Variants in ANTXRL observed in about 807,000 individuals in gnomAD.
The protein encoded by ANTXRL is ANTXR like.
ANTXRL carries 63 observed loss-of-function variants against 75.4 expected under a neutral mutation model. That is an observed-to-expected ratio of 0.84 (90% CI 0.68 to 1.03). The LOEUF (loss-of-function observed/expected upper bound fraction) is 1.03, where lower values mean the gene tolerates loss of function less well. Among genes scored for constraint, ANTXRL ranks in the 50% least tolerant of loss-of-function variants. The pLI, the probability that ANTXRL is intolerant of heterozygous loss-of-function variation, is 0.00. For missense variants in ANTXRL, 797 were observed against 789.4 expected (o/e 1.01, Z -0.12); for synonymous variants, 335 against 291.3 (o/e 1.15, Z -1.53).
intron 10 of ANTXRL, among the ~76,000 whole-genome samples, chr10:46,303,423 C>G (rs1292596160): frequency 6.6e-6 from 1 of 152,164 alleles, no homozygotes; most frequent in African/African-American, 2.4e-5. Flanking sequence ...AACTGAAATG[C>G]TTGGGACCAC....
intron 16 of ANTXRL, among the ~76,000 whole-genome samples, chr10:46,320,249 A>C (rs2132885454): frequency 6.6e-6 from 1 of 152,318 alleles, no homozygotes; most frequent in African/African-American, 2.4e-5. Flanking sequence ...TCTTGCTGGT[A>C]GTGGGGAACC....
At position 46,304,759 on chromosome 10, in the gene ANTXRL, C is replaced by T. The variant is rs538479123; in HGVS notation, c.895+1939C>T. On this transcript the variant is annotated intron_variant, in intron 10 of 16. Coordinates refer to ENST00000620264, the MANE Select transcript of ANTXRL (RefSeq NM_001278688.3). ...AAGAGCCTGCCCAGGGCCATACAGTCCATGTTGCAGGGCAGGAAAGCAGAC... is the reference window on the plus strand; with the variant it reads ...AAGAGCCTGCCCAGGGCCATACAGTTCATGTTGCAGGGCAGGAAAGCAGAC... 2.0e-4 allele frequency among the ~76,000 whole-genome samples: 30 copies of T among 152,278 alleles called. No individual in the cohort carries two copies. The East Asian group carries it at 4.8e-3, about 24-fold the overall frequency.
intron 16 of ANTXRL, among the ~76,000 whole-genome samples, chr10:46,318,943 C>T (rs73292924): frequency 0.049 from 7,377 of 152,038 alleles, 605 homozygotes; most frequent in African/African-American, 0.17. Context: ...ATAGAGAAAA[C>T]GGAACTGAGG....
Position 46,297,991 on chromosome 10 carries a change from C to A in ANTXRL, c.736-11C>A. ...CTCTCCCTGTCCCGCCCCACCCCTC[C>A]TGTGTTCCAGCTCACGTCAAAGGTC... On this transcript the variant is annotated splice_polypyrimidine_tract_variant and intron_variant, in intron 8 of 16. Coordinates refer to ENST00000620264, the MANE Select transcript of ANTXRL (RefSeq NM_001278688.3). The A allele has an allele frequency of 3.3e-6, 5 of 1,535,922 alleles. No homozygotes were observed. Among genetic ancestry groups the A allele is most frequent in the Non-Finnish European group, 4.4e-6 (5 of 1,146,730 alleles).
At chr10:46,303,471 C>T (rs1554961059) in intron 10 of ANTXRL, among the ~76,000 whole-genome samples, 1 of 152,134 alleles carries the variant, frequency 6.6e-6, no homozygotes, top group African/African-American at 2.4e-5. Flanking sequence ...GGTTTTGGAA[C>T]GTGTGCAGTA....
At chr10:46,315,345 G>A (rs1838664408) in intron 16 of ANTXRL, among the ~76,000 whole-genome samples, 1 of 152,246 alleles carries the variant, frequency 6.6e-6, no homozygotes, top group African/African-American at 2.4e-5. Flanking sequence ...GAACCCGCTG[G>A]AGACCAGGCT....
chr10:46,300,777 A>G (rs1195699247), intron 9 of ANTXRL, among the ~76,000 whole-genome samples: 4 of 152,100 alleles, frequency 2.6e-5, no homozygotes, highest in African/African-American at 7.2e-5. Flanking sequence ...CTCATCAGTC[A>G]CTTGTCACCC....
At chr10:46,305,764 CATAA>C (rs1403995653) in intron 10 of ANTXRL, among the ~76,000 whole-genome samples, 5 of 152,060 alleles carry the variant, frequency 3.3e-5, no homozygotes, top group Non-Finnish European at 5.9e-5. Context: ...TAAATAGATA[CATAA>C]ATAAACAAAA....
chr10:46,309,340 G>A, intron 13 of ANTXRL, 138 bp downstream of exon 13: 3 of 1,468,124 alleles, frequency 2.0e-6, no homozygotes, highest in Non-Finnish European at 2.7e-6. Context: ...TGAGCCCAGG[G>A]AGTCGCAGAC....
At chr10:46,295,204 G>C (rs1837291101) in intron 3 of ANTXRL, among the ~76,000 whole-genome samples, 1 of 152,176 alleles carries the variant, frequency 6.6e-6, no homozygotes, top group African/African-American at 2.4e-5. Flanking sequence ...TCCTGTATCA[G>C]GGTAAAGATA....
chr10:46,325,738 AT>A (rs35600042), intron 16 of ANTXRL, among the ~76,000 whole-genome samples: 50,145 of 151,670 alleles, frequency 0.33, 9,427 homozygotes, highest in Admixed American at 0.44. Context: ...GCACCAATCA[AT>A]TTTTTCTGGA....
At chr10:46,318,839 A>T (rs1487307526) in intron 16 of ANTXRL, among the ~76,000 whole-genome samples, 1 of 152,184 alleles carries the variant, frequency 6.6e-6, no homozygotes, top group Non-Finnish European at 1.5e-5. Context: ...CATGATTCCA[A>T]ATAGGGCAGC....
intron 16 of ANTXRL, among the ~76,000 whole-genome samples, chr10:46,318,084 G>T (rs1166236445): frequency 6.6e-6 from 1 of 152,068 alleles, no homozygotes; most frequent in Non-Finnish European, 1.5e-5. Flanking sequence ...TGGATCTCCT[G>T]GGATAGACTG....
rs61440350 is a variant in ANTXRL, at chr10:46,293,309, T to C, written c.321-520T>C. Among the ~76,000 whole-genome samples the C allele has an allele frequency of 7.5e-3, 1,040 of 138,518 alleles. 12 individuals carry two copies. The highest frequency in any genetic ancestry group is 0.027 in the African/African-American group (1,004 of 37,588). 90.9% of individuals were successfully genotyped at this position (138,518 alleles called of 152,430 possible). A position where few individuals can be genotyped will look rare whatever the true frequency, so the allele number is the denominator to read the frequency against. On this transcript the variant is annotated intron_variant, in intron 2 of 16. Coordinates refer to ENST00000620264, the MANE Select transcript of ANTXRL (RefSeq NM_001278688.3). The stretch of plus-strand genomic sequence containing the variant: ...GTGTGCGTGTGTGCCTGTGTGTGTG[T>C]GCGTGTGTGCCTGTGTGTGAGTGTG...
At chr10:46,296,988 C>T (rs782788514) in intron 5 of ANTXRL, among the ~76,000 whole-genome samples, 2 of 152,132 alleles carry the variant, frequency 1.3e-5, no homozygotes, top group African/African-American at 2.4e-5. Flanking sequence ...AGGGTTCAGG[C>T]AGCCTGGTGT....
intron 16 of ANTXRL, among the ~76,000 whole-genome samples, chr10:46,315,950 A>G (rs1838702360): frequency 6.6e-6 from 1 of 152,072 alleles, no homozygotes. Context: ...AAATTTTTTG[A>G]TAGTGTCCTC....
At chr10:46,302,849 C>G in intron 10 of ANTXRL, 29 bp downstream of exon 10, 1 of 1,458,160 alleles carries the variant, frequency 6.9e-7, no homozygotes, top group Non-Finnish European at 9.3e-7. Context: ...GCCTCTGAGT[C>G]ACGTATTTCC....
rs1554957618 is a variant in ANTXRL at position 46,293,830 on chromosome 10, C to G, written c.322C>G (p.Pro108Ala). 2.0e-6 allele frequency: 3 copies of G among 1,535,552 alleles called. No individual in the cohort carries two copies. The Admixed American group carries it at 5.9e-5, about 30-fold the overall frequency. Reference protein sequence around the residue: ...VEETVARFQSPNIRMCFITYS... With the variant: ...VEETVARFQSANIRMCFITYS... ...CACCAGCACATGATTCCTTCACAGCCCAAATATTCGGATGTGCTTCATCAC... is the reference window on the plus strand; with the variant it reads ...CACCAGCACATGATTCCTTCACAGCGCAAATATTCGGATGTGCTTCATCAC... Residue 108 changes from proline (P) to alanine (A), a missense_variant and splice_region_variant, in exon 3 of 17, where the codon CCA (proline) becomes GCA (alanine). Pro to Ala is a conservative substitution (Grantham distance 27). Transcript: ENST00000620264.
At chr10:46,310,773 G>C (rs1333452212) in intron 14 of ANTXRL, among the ~76,000 whole-genome samples, 1 of 152,100 alleles carries the variant, frequency 6.6e-6, no homozygotes, top group East Asian at 1.9e-4. Flanking sequence ...CTGAATAAAT[G>C]GGGCTCTCTG....
Sources: gnomAD v4.1 joint callset for allele counts (sites outside exome capture counted in the v4.1 genomes callset) on GRCh38, gnomAD v4.1.1 for gene constraint, MANE v1.5 for transcripts, NCBI Gene and HGNC (gene_info 2026-07-23, HGNC 2026-07-21) for gene names.